Variants in NLRP5 observed in about 807,000 individuals in gnomAD.
NLRP5 encodes NACHT, LRR and PYD domains-containing protein 5.
NLRP5 carries 93 observed loss-of-function variants against 113.1 expected under a neutral mutation model. The observed-to-expected ratio is 0.82, with a 90% CI of 0.70 to 0.98. The LOEUF (loss-of-function observed/expected upper bound fraction) is 0.98. Among genes scored for constraint, NLRP5 ranks in the 50% least tolerant of loss-of-function variants. NLRP5 has a pLI of 0.00. For missense variants in NLRP5, 1,808 were observed against 1,514.3 expected, an observed-to-expected ratio of 1.19 and a Z score of -3.22; for synonymous variants, 751 against 600.7, an observed-to-expected ratio of 1.25 and a Z score of -3.66.
intron 6 of NLRP5, 51 bp downstream of exon 6, chr19:56,020,482 T>C: frequency 6.4e-7 from 1 of 1,556,980 alleles, no homozygotes; most frequent in Non-Finnish European, 8.8e-7. Context: ...GAAAGTTGGG[T>C]GAAAGAAGTG....
chr19:56,027,046 T>C lies in NLRP5; in HGVS notation c.813T>C (p.Asp271=), dbSNP rs1464809689. ...TGCAAACGTTGGCTGGTGCTTTTGA[T>C]TCAGACCGGTGGGGCTTCCGGCCTC... The change falls in exon 7 of 15, where the codon GAT becomes GAC. Residue 271 remains aspartate, a synonymous_variant. Transcript: ENST00000390649. 1 of 1,553,522 alleles carries C rather than the reference T, an allele frequency of 6.4e-7. No homozygotes were observed. The highest frequency in any genetic ancestry group is 8.7e-7 in the Non-Finnish European group (1 of 1,148,172).
At chr19:55,992,526 C>T in the NLRP5 span, among the ~76,000 whole-genome samples, 1 of 152,142 alleles carries the variant, frequency 6.6e-6, no homozygotes, top group East Asian at 1.9e-4. Flanking sequence ...ACCTCAGCAG[C>T]GTCGGTTTTT....
At chr19:56,032,097 C>T (rs932719855) in intron 7 of NLRP5, among the ~76,000 whole-genome samples, 5 of 152,164 alleles carry the variant, frequency 3.3e-5, no homozygotes, top group African/African-American at 1.2e-4. Context: ...GTAATCCCAG[C>T]ACCTTAGGAG....
the NLRP5 span, among the ~76,000 whole-genome samples, chr19:55,992,677 A>G: frequency 6.6e-6 from 1 of 152,108 alleles, no homozygotes; most frequent in Non-Finnish European, 1.5e-5. Flanking sequence ...GTCTACAGCT[A>G]CTTTCCCAGT....
At chr19:56,005,108 AT>A (rs67507421) in intron 2 of NLRP5, among the ~76,000 whole-genome samples, 59,714 of 112,910 alleles carry the variant, frequency 0.53, 14,601 homozygotes, top group East Asian at 0.57. Context: ...AAAAAAAAAA[AT>A]ATATATATAT....
intron 13 of NLRP5, among the ~76,000 whole-genome samples, chr19:56,055,759 A>T (rs188210086): frequency 3.3e-5 from 5 of 151,188 alleles, no homozygotes; most frequent in Non-Finnish European, 5.9e-5. Flanking sequence ...GTTAGCCAGG[A>T]TGGTCTCAAT....
intron 3 of NLRP5, among the ~76,000 whole-genome samples, chr19:56,013,832 C>T (rs915609781): frequency 6.6e-6 from 1 of 151,906 alleles, no homozygotes; most frequent in Non-Finnish European, 1.5e-5. Context: ...AACGTTTGCT[C>T]CACTATTTTT....
At chr19:56,052,643 C>T (rs1320375392) in intron 12 of NLRP5, among the ~76,000 whole-genome samples, 2 of 152,152 alleles carry the variant, frequency 1.3e-5, no homozygotes, top group Non-Finnish European at 2.9e-5. Context: ...ATCATCCTAC[C>T]CTTAGCCTCC....
intron 2 of NLRP5, among the ~76,000 whole-genome samples, chr19:56,004,625 C>G (rs550781890): frequency 9.6e-4 from 146 of 152,268 alleles, no homozygotes; most frequent in African/African-American, 3.3e-3. Flanking sequence ...CTTGGACTTT[C>G]TTGGGCTATT....
rs1369221262 is a variant in NLRP5 at position 56,026,901 on chromosome 19, C to T, written c.680-12C>T. ...TGTTTCCTGATTTTCATTCTACCCT[C>T]TCTGACTCCAGGACATGGAGGTGAC... On this transcript the variant is annotated splice_polypyrimidine_tract_variant and intron_variant, in intron 6 of 14. Coordinates refer to ENST00000390649, the MANE Select transcript of NLRP5 (RefSeq NM_153447.4). The T allele has an allele frequency of 5.2e-6, 8 of 1,546,870 alleles. No individual in the cohort carries two copies. In the Admixed American group the frequency reaches 7.9e-5, roughly 15 times the overall value.
chr19:56,040,554 G>A (rs7251194), intron 10 of NLRP5, among the ~76,000 whole-genome samples: 12,494 of 152,140 alleles, frequency 0.082, 548 homozygotes, highest in Non-Finnish European at 0.097. Flanking sequence ...GCAACAGAGC[G>A]AGACTCCATC....
chr19:56,022,029 T>G (rs1982635156), intron 6 of NLRP5, among the ~76,000 whole-genome samples: 1 of 152,226 alleles, frequency 6.6e-6, no homozygotes, highest in African/African-American at 2.4e-5. Context: ...CTGTGTGAGC[T>G]ACATAATCAT....
At chr19:56,046,432 C>T (rs3103055) in intron 11 of NLRP5, among the ~76,000 whole-genome samples, 125,510 of 151,422 alleles carry the variant, frequency 0.83, 52,742 homozygotes, top group African/African-American at 0.94. Flanking sequence ...GTTTCTGTTA[C>T]GTCCTTCCCT....
chr19:55,996,888 C>T (rs925573369), upstream of NLRP5, among the ~76,000 whole-genome samples: 2 of 152,150 alleles, frequency 1.3e-5, no homozygotes, highest in Non-Finnish European at 2.9e-5. Flanking sequence ...ATTTCTAGTT[C>T]TAGATCCCTG....
chr19:56,009,053 C>A (rs576481925), intron 3 of NLRP5, among the ~76,000 whole-genome samples, 200 bp downstream of exon 3: 1 of 152,050 alleles, frequency 6.6e-6, no homozygotes, highest in African/African-American at 2.4e-5. Flanking sequence ...GTTCTGTGGC[C>A]TGGGGCCAGG....
intron 11 of NLRP5, among the ~76,000 whole-genome samples, chr19:56,048,979 A>AATTTT (rs1555770466): frequency 3.2e-5 from 3 of 94,974 alleles, no homozygotes; most frequent in African/African-American, 8.7e-5. Flanking sequence ...TTTTTTTTTA[A>AATTTT]TTTTTTTTTT....
chr19:56,001,542 G>A (rs935717494), intron 1 of NLRP5, among the ~76,000 whole-genome samples: 2 of 152,056 alleles, frequency 1.3e-5, no homozygotes, highest in African/African-American at 4.8e-5. Flanking sequence ...AAGAATGGTA[G>A]GCAGAAGGAA....
intron 11 of NLRP5, among the ~76,000 whole-genome samples, 198 bp from the exon 12 acceptor site, chr19:56,050,220 C>T (rs1254353180): frequency 6.7e-6 from 1 of 148,470 alleles, no homozygotes; most frequent in Non-Finnish European, 1.5e-5. Context: ...GCAGAGGCTG[C>T]AGTGAACTGA....
chr19:56,054,209 G>GC (rs774634503), intron 13 of NLRP5, among the ~76,000 whole-genome samples: 1 of 152,148 alleles, frequency 6.6e-6, no homozygotes, highest in Non-Finnish European at 1.5e-5. Context: ...ATCAGAGCCA[G>GC]CCAGGGGCTT....
Sources: gnomAD v4.1 joint callset for allele counts (sites outside exome capture counted in the v4.1 genomes callset) on GRCh38, gnomAD v4.1.1 for gene constraint, MANE v1.5 for transcripts, NCBI Gene and HGNC (gene_info 2026-07-23, HGNC 2026-07-21) for gene names.